The following SLC44A1 variants were observed in gnomAD, a reference collection of about 807,000 sequenced individuals.
SLC44A1 encodes the protein solute carrier family 44 member 1, also known as choline transporter-like protein 1.
SLC44A1 carries 26 observed loss-of-function variants against 79.3 expected under a neutral mutation model. That is an observed-to-expected ratio of 0.33 (90% CI 0.24 to 0.46). SLC44A1 has a LOEUF of 0.46. SLC44A1 is among the 20% of genes least tolerant of loss of function. The pLI, the probability that SLC44A1 is intolerant of heterozygous loss-of-function variation, is 1.00. For synonymous variants in SLC44A1, 263 were observed against 286.2 expected (o/e 0.92, Z 0.82); for missense variants, 688 against 798.1 (o/e 0.86, Z 1.66).
intron 3 of SLC44A1, 35 bp from the exon 4 acceptor site, chr9:105,335,528 G>C: frequency 6.3e-7 from 1 of 1,579,196 alleles, no homozygotes; most frequent in Non-Finnish European, 8.7e-7. Context: ...TGTGTTTTGT[G>C]AAGTAATATC....
chr9:105,412,144 CAAAT>C (rs1010397875), intron 15 of SLC44A1, among the ~76,000 whole-genome samples: 24 of 152,228 alleles, frequency 1.6e-4, no homozygotes, highest in South Asian at 6.2e-4. Context: ...AGTTTTTCAT[CAAAT>C]AAATATTTAT....
chr9:105,282,835 T>G (rs1168701417), intron 1 of SLC44A1, among the ~76,000 whole-genome samples: 1 of 152,188 alleles, frequency 6.6e-6, no homozygotes, highest in South Asian at 2.1e-4. Context: ...CGTGAGCCAC[T>G]GCGCCTGGCA....
intron 4 of SLC44A1, among the ~76,000 whole-genome samples, chr9:105,336,337 A>G (rs1826919858): frequency 6.6e-6 from 1 of 152,032 alleles, no homozygotes; most frequent in African/African-American, 2.4e-5. Context: ...TCTTTTTCTG[A>G]TAATAATTGT....
At chr9:105,370,811 G>A (rs1256417744) in intron 12 of SLC44A1, among the ~76,000 whole-genome samples, 1 of 152,194 alleles carries the variant, frequency 6.6e-6, no homozygotes, top group East Asian at 1.9e-4. Context: ...AGAGTGAGTT[G>A]TTCCCATTGA....
At chr9:105,327,436 C>T (rs188518501) in intron 3 of SLC44A1, among the ~76,000 whole-genome samples, 3 of 152,162 alleles carry the variant, frequency 2.0e-5, no homozygotes, top group African/African-American at 7.2e-5. Flanking sequence ...GCGCACACCA[C>T]CACACCTGGC....
At chr9:105,356,482 TGTTTA>T (rs1247303594) in intron 6 of SLC44A1, 101 bp downstream of exon 6, 1 of 746,984 alleles carries the variant, frequency 1.3e-6, no homozygotes, top group African/African-American at 1.8e-5. Flanking sequence ...ACTTGTAAAA[TGTTTA>T]ACTTCCCATA....
At chr9:105,379,224 G>C (rs200151457) in intron 13 of SLC44A1, among the ~76,000 whole-genome samples, 1 of 152,162 alleles carries the variant, frequency 6.6e-6, no homozygotes, top group Non-Finnish European at 1.5e-5. Context: ...TCAGTGAGCC[G>C]TGATCACACC....
At chr9:105,287,674 G>T (rs1317402298) in intron 1 of SLC44A1, among the ~76,000 whole-genome samples, 1 of 146,062 alleles carries the variant, frequency 6.8e-6, no homozygotes, top group African/African-American at 2.8e-5. Flanking sequence ...TTGCAGGTGG[G>T]GAGGTCAGTT....
Position 105,329,757 on chromosome 9 carries a change from T to C in SLC44A1, c.270-5806T>C, listed in dbSNP as rs145869676. ...CAGATTATTTGCAGTTCCTTAAATA[T>C]GCTCTTTCATGATTCTGTGCTTTTA... On this transcript the variant is annotated intron_variant, in intron 3 of 15. Transcript: ENST00000374720. Among the ~76,000 whole-genome samples, 4 of 152,282 alleles carry C rather than the reference T, an allele frequency of 2.6e-5. No individual in the cohort carries two copies. The East Asian group carries it at 7.7e-4, about 29-fold the overall frequency.
intron 15 of SLC44A1, among the ~76,000 whole-genome samples, chr9:105,435,955 C>T (rs981354959): frequency 2.4e-4 from 36 of 152,312 alleles, no homozygotes; most frequent in Middle Eastern, 3.4e-3. Context: ...CTCAACACTT[C>T]GGGAGGCCAA....
At chr9:105,254,438 C>A (rs1829657869) in intron 1 of SLC44A1, among the ~76,000 whole-genome samples, 1 of 152,148 alleles carries the variant, frequency 6.6e-6, no homozygotes, top group Admixed American at 6.5e-5. Flanking sequence ...AAGTGAGGGG[C>A]AGGGCAACAC....
At chr9:105,425,924 G>C (rs1829317342) in intron 15 of SLC44A1, among the ~76,000 whole-genome samples, 1 of 152,174 alleles carries the variant, frequency 6.6e-6, no homozygotes, top group Non-Finnish European at 1.5e-5. Context: ...AGCAAGGCTG[G>C]GACAGATGAA....
At chr9:105,348,646 A>T in intron 5 of SLC44A1, among the ~76,000 whole-genome samples, 195 bp downstream of exon 5, 1 of 152,092 alleles carries the variant, frequency 6.6e-6, no homozygotes, top group East Asian at 1.9e-4. Flanking sequence ...TAGGCAACCA[A>T]CTTTTCTTGT....
At chr9:105,347,967 T>C (rs1406788485) in intron 4 of SLC44A1, among the ~76,000 whole-genome samples, 1 of 152,072 alleles carries the variant, frequency 6.6e-6, no homozygotes, top group Non-Finnish European at 1.5e-5. Flanking sequence ...TAGCTCTGTG[T>C]TCTTAGGCAA....
In SLC44A1 at chr9:105,248,622, A is replaced by C. The variant is rs545641618; in HGVS notation, c.36+3718A>C. ...ACTAATATTGGTAATTGCTCAATACAAACCAACACAGGACAGTCTTTGCCT... is the reference window on the plus strand; with the variant it reads ...ACTAATATTGGTAATTGCTCAATACCAACCAACACAGGACAGTCTTTGCCT... On this transcript the variant is annotated intron_variant, in intron 1 of 15. Coordinates refer to ENST00000374720, the MANE Select transcript of SLC44A1 (RefSeq NM_080546.5). Among the ~76,000 whole-genome samples the C allele has an allele frequency of 2.6e-5, 4 of 152,340 alleles. No homozygotes were observed. The South Asian group carries it at 8.3e-4, about 32-fold the overall frequency.
chr9:105,299,662 C>T, intron 2 of SLC44A1: 1 of 452,998 alleles, frequency 2.2e-6, no homozygotes, highest in Non-Finnish European at 2.9e-6. Context: ...GTCATTTCCT[C>T]TCAGGGACTT....
At position 105,393,834 on chromosome 9, in the gene SLC44A1, A is replaced by G; in HGVS notation, c.*4778A>G. ...TTTTGATGCTCAGTTTTACAACTTA[A>G]ATGATTTTCTCCAGGACACGGAGCT... On this transcript the variant is annotated 3_prime_UTR_variant, in exon 16 of 16. Coordinates refer to ENST00000374720, the MANE Select transcript of SLC44A1 (RefSeq NM_080546.5). 1 of 984,978 alleles carries G rather than the reference A, an allele frequency of 1.0e-6. No individual in the cohort carries two copies. Among genetic ancestry groups the G allele is most frequent in the Non-Finnish European group, 1.2e-6 (1 of 829,506 alleles). 61.0% of individuals were successfully genotyped at this position (984,978 alleles called of 1,614,324 possible). A position where few individuals can be genotyped will look rare whatever the true frequency, so the allele number is the denominator to read the frequency against.
downstream of SLC44A1, among the ~76,000 whole-genome samples, chr9:105,399,810 C>G (rs1279898910): frequency 6.6e-6 from 1 of 152,136 alleles, no homozygotes; most frequent in Non-Finnish European, 1.5e-5. Flanking sequence ...TCTTAGACAT[C>G]TTAAAATATA....
intron 15 of SLC44A1, among the ~76,000 whole-genome samples, chr9:105,433,406 A>G (rs972944268): frequency 1.3e-5 from 2 of 152,218 alleles, no homozygotes; most frequent in Non-Finnish European, 2.9e-5. Flanking sequence ...AGCCAAAAGG[A>G]TAGAGCATAT....
Sources: gnomAD v4.1 joint callset for allele counts (sites outside exome capture counted in the v4.1 genomes callset) on GRCh38, gnomAD v4.1.1 for gene constraint, MANE v1.5 for transcripts, NCBI Gene and HGNC (gene_info 2026-07-23, HGNC 2026-07-21) for gene names.